NFATC2: variants seen among roughly 807,000 people sequenced by gnomAD.
The protein encoded by NFATC2 is nuclear factor of activated T-cells, cytoplasmic 2.
A neutral mutation model predicts 87.3 loss-of-function variants in NFATC2; 22 were observed. That is an observed-to-expected ratio of 0.25 (90% confidence interval 0.18 to 0.36). The LOEUF is 0.36. NFATC2 is among the 10% of genes least tolerant of loss of function. The pLI, the probability that NFATC2 is intolerant of heterozygous loss-of-function variation, is 1.00. For missense variants in NFATC2, 1,149 were observed against 1,259.1 expected (o/e 0.91, Z 1.32); for synonymous variants, 565 against 542.2 (o/e 1.04, Z -0.58).
Position 51,459,909 on chromosome 20 carries a change from A to C in NFATC2, c.1709-5221T>G, listed in dbSNP as rs76767210. ...AACAAACAAAGAAACAAAACAAAAC[A>C]AAAAAAAGTTCTGCAACTACAGAGT... On this transcript the variant is annotated intron_variant, in intron 5 of 10. Transcript: ENST00000371564. Among the ~76,000 whole-genome samples the C allele has an allele frequency of 5.9e-3, 895 of 152,132 alleles. 13 individuals are homozygous for C. Among genetic ancestry groups the C allele is most frequent in the African/African-American group, 0.02 (824 of 41,504 alleles).
chr20:51,429,573 G>T (rs1201428914), intron 9 of NFATC2, among the ~76,000 whole-genome samples: 1 of 152,308 alleles, frequency 6.6e-6, no homozygotes, highest in East Asian at 1.9e-4. Context: ...ACGACTCCCG[G>T]GCCTCCATTC....
intron 3 of NFATC2, among the ~76,000 whole-genome samples, chr20:51,477,570 T>TAA (rs1988855869): frequency 1.2e-5 from 1 of 86,820 alleles, no homozygotes; most frequent in South Asian, 3.2e-4. Context: ...TATATATATA[T>TAA]ATATATATAT....
chr20:51,557,542 A>G (rs1337035672), intron 1 of NFATC2, among the ~76,000 whole-genome samples: 1 of 152,198 alleles, frequency 6.6e-6, no homozygotes, highest in African/African-American at 2.4e-5. Flanking sequence ...TATTCCAGAA[A>G]ACAAGAGAAA....
chr20:51,432,778 TA>T lies in NFATC2; in HGVS notation c.2033-23del, dbSNP rs760587402. 1.4e-5 allele frequency: 22 copies of T among 1,533,840 alleles called. No individual in the cohort carries two copies. Among genetic ancestry groups the T allele is most frequent in the Middle Eastern group, 2.2e-4 (1 of 4,590 alleles). On this transcript the variant is annotated intron_variant, in intron 8 of 10. Coordinates refer to ENST00000371564, the MANE Select transcript of NFATC2 (RefSeq NM_012340.5). The surrounding 1 kb of genome is among the most constrained non-coding windows in gnomAD (Gnocchi z 4.6). ...GGGACTGGGAGGAGAAAAGAGCACATAGGGGCGCCCATGGCAGTGAGCCACG... is the reference window on the plus strand; with the variant it reads ...GGGACTGGGAGGAGAAAAGAGCACATGGGGCGCCCATGGCAGTGAGCCACG...
At chr20:51,441,755 A>T (rs996118848) in intron 6 of NFATC2, among the ~76,000 whole-genome samples, 5 of 151,890 alleles carry the variant, frequency 3.3e-5, no homozygotes, top group African/African-American at 1.2e-4. Flanking sequence ...ATATTACTGA[A>T]CTTAAGAAGA....
chr20:51,536,687 G>A (rs1055141665), intron 1 of NFATC2, among the ~76,000 whole-genome samples: 1 of 152,168 alleles, frequency 6.6e-6, no homozygotes, highest in Non-Finnish European at 1.5e-5. Flanking sequence ...GAGTGAGTGA[G>A]GCAACTTCAT....
At chr20:51,548,286 T>C (rs1488915912) in intron 1 of NFATC2, among the ~76,000 whole-genome samples, 2 of 152,218 alleles carry the variant, frequency 1.3e-5, no homozygotes, top group African/African-American at 2.4e-5. Context: ...GTTAGAGACC[T>C]TCCCTGCCTG....
Position 51,435,727 on chromosome 20 carries a change from C to T in NFATC2, c.1884G>A (p.Val628=), listed in dbSNP as rs751131856. 1.9e-6 allele frequency: 3 copies of T among 1,609,482 alleles called. No homozygotes were observed. In the East Asian group the frequency reaches 6.7e-5, roughly 36 times the overall value. ...TTACGGGCTGGCTCTTGTCCTTATCCACCGTGGCTTCCATCTCCCAAATTT... is the reference window on the plus strand; with the variant it reads ...TTACGGGCTGGCTCTTGTCCTTATCTACCGTGGCTTCCATCTCCCAAATTT... The part of the protein sequence containing the change: ...GQQIWEMEAT[V]DKDKSQPNML... Residue 628 remains valine, a synonymous_variant, in exon 7 of 11, where the codon GTG becomes GTA. Transcript: ENST00000371564.
In NFATC2 at chr20:51,388,340, C is replaced by T. The variant is rs1448498666; in HGVS notation, c.*3156G>A. 1 of 152,120 alleles carries T rather than the reference C, an allele frequency of 6.6e-6. No homozygotes were observed. Among genetic ancestry groups the T allele is most frequent in the African/African-American group, 2.4e-5 (1 of 41,422 alleles). 9.4% of individuals were successfully genotyped at this position (152,120 alleles called of 1,614,324 possible). A position where few individuals can be genotyped will look rare whatever the true frequency, so the allele number is the denominator to read the frequency against. ...GCTCAGGGCTGAAGTCAGCATAATT[C>T]TTGAGCAAGAAAAAGGTGATTCCTT... On this transcript the variant is annotated 3_prime_UTR_variant, in exon 11 of 11. Transcript: ENST00000371564.
intron 5 of NFATC2, among the ~76,000 whole-genome samples, chr20:51,463,420 C>T (rs1284773423): frequency 1.3e-5 from 2 of 152,214 alleles, no homozygotes; most frequent in East Asian, 3.8e-4. Context: ...AGAAATGCAG[C>T]AGCACGGCCC....
chr20:51,395,025 C>G (rs945539721), intron 10 of NFATC2, among the ~76,000 whole-genome samples: 3 of 152,218 alleles, frequency 2.0e-5, no homozygotes, highest in Non-Finnish European at 2.9e-5. Flanking sequence ...CACCATCAGT[C>G]TAGGTCCCTT....
chr20:51,480,933 C>T lies in NFATC2; in HGVS notation c.1333-5273G>A, dbSNP rs1268370362. On this transcript the variant is annotated intron_variant, in intron 3 of 10. Transcript: ENST00000371564. The surrounding 1 kb of genome is among the most constrained non-coding windows in gnomAD (Gnocchi z 4.2). The stretch of plus-strand genomic sequence containing the variant: ...AACAAAGTGAGAACCAACGTGAAGG[C>T]CTCCCATATGGGAAAGCCCAGGCAC... Among the ~76,000 whole-genome samples the T allele has an allele frequency of 1.3e-5, 2 of 152,122 alleles. No individual in the cohort carries two copies. Among genetic ancestry groups the T allele is most frequent in the South Asian group, 2.1e-4 (1 of 4,808 alleles).
intron 1 of NFATC2, among the ~76,000 whole-genome samples, chr20:51,541,380 G>GT (rs1385446118): frequency 1.3e-5 from 2 of 152,166 alleles, no homozygotes; most frequent in African/African-American, 2.4e-5. Flanking sequence ...TGGGTTTTTT[G>GT]TTTTTTCCAA....
intron 9 of NFATC2, among the ~76,000 whole-genome samples, chr20:51,401,591 G>GACTT (rs879626145): frequency 6.6e-6 from 1 of 152,114 alleles, no homozygotes; most frequent in African/African-American, 2.4e-5. Context: ...GCAGTATTTA[G>GACTT]ACTTACTACA....
chr20:51,422,924 T>A (rs1981169790), intron 9 of NFATC2, among the ~76,000 whole-genome samples: 1 of 152,224 alleles, frequency 6.6e-6, no homozygotes, highest in African/African-American at 2.4e-5. Flanking sequence ...CTTTTTCAAG[T>A]TCTACATTTC....
intron 9 of NFATC2, among the ~76,000 whole-genome samples, chr20:51,415,862 G>A (rs529088899): frequency 1.3e-5 from 2 of 152,160 alleles, no homozygotes; most frequent in East Asian, 1.9e-4. Flanking sequence ...AGTCTCACAG[G>A]AGGAAAAACT....
intron 6 of NFATC2, among the ~76,000 whole-genome samples, chr20:51,436,064 C>T (rs373946908): frequency 2.0e-5 from 3 of 152,120 alleles, no homozygotes; most frequent in Non-Finnish European, 4.4e-5. Flanking sequence ...GGGGTATACA[C>T]GGACATGAAG....
chr20:51,539,673 A>G (rs1267497134), intron 1 of NFATC2, among the ~76,000 whole-genome samples: 1 of 151,952 alleles, frequency 6.6e-6, no homozygotes, highest in African/African-American at 2.4e-5. Flanking sequence ...TTATTTTTTT[A>G]TTTTTATTAG....
chr20:51,473,298 A>G (rs116535499), intron 5 of NFATC2, among the ~76,000 whole-genome samples: 204 of 152,306 alleles, frequency 1.3e-3, no homozygotes, highest in African/African-American at 4.5e-3. Flanking sequence ...AGTGCAGGAT[A>G]AAAAACAGAC....
Sources: allele counts gnomAD v4.1 joint callset (sites outside exome capture counted in the v4.1 genomes callset), GRCh38; gene constraint gnomAD v4.1.1; non-coding constraint Gnocchi (gnomAD v3.1); transcripts MANE v1.5; gene names NCBI Gene and HGNC (gene_info 2026-07-23, HGNC 2026-07-21).